Variants in ERC2 observed in about 807,000 individuals in gnomAD.
ERC2 encodes the protein ELKS/RAB6-interacting/CAST family member 2.
In ERC2, 42 loss-of-function variants were observed where a neutral mutation model predicts 114.8. That is an observed-to-expected ratio of 0.37 (90% confidence interval 0.29 to 0.47). ERC2 has a LOEUF of 0.47. Ranked by LOEUF, ERC2 falls within the 20% of genes least tolerant of loss-of-function variation. The pLI is 0.99. For synonymous variants in ERC2, 454 were observed against 425.5 expected (o/e 1.07, Z -0.82); for missense variants, 939 against 1,150.7 (o/e 0.82, Z 2.66).
chr3:55,835,157 G>A lies in ERC2; in HGVS notation c.2564+53232C>T, dbSNP rs940836471. Among the ~76,000 whole-genome samples, 3 of 152,144 alleles carry A rather than the reference G, an allele frequency of 2.0e-5. No individual in the cohort carries two copies. In the East Asian group the frequency reaches 5.8e-4, roughly 29 times the overall value. Reference sequence around the variant, plus strand: ...TCCAGGACCAGATGGATTCACAGCCGAATTCTACCAGAGGTACAAGGAGGA... The same window carrying A: ...TCCAGGACCAGATGGATTCACAGCCAAATTCTACCAGAGGTACAAGGAGGA... On this transcript the variant is annotated intron_variant, in intron 14 of 17. Coordinates refer to ENST00000288221, the MANE Select transcript of ERC2 (RefSeq NM_015576.3).
intron 14 of ERC2, among the ~76,000 whole-genome samples, chr3:55,856,345 T>C (rs559175076): frequency 2.0e-5 from 3 of 152,268 alleles, no homozygotes; most frequent in African/African-American, 7.2e-5. Context: ...CGATAAACTA[T>C]AGATCAGGAA....
At chr3:56,438,029 A>T (rs2062105694) in intron 1 of ERC2, among the ~76,000 whole-genome samples, 1 of 152,198 alleles carries the variant, frequency 6.6e-6, no homozygotes, top group East Asian at 1.9e-4. Flanking sequence ...TTTTATTTGC[A>T]TACTCTAAAT....
At chr3:56,250,304 A>G (rs1228382978) in intron 3 of ERC2, among the ~76,000 whole-genome samples, 3 of 152,256 alleles carry the variant, frequency 2.0e-5, no homozygotes, top group African/African-American at 7.2e-5. Context: ...AAGCAAAGAA[A>G]AATCTCCCAC....
intron 3 of ERC2, among the ~76,000 whole-genome samples, chr3:56,286,558 G>A (rs1023639235): frequency 8.6e-5 from 13 of 151,478 alleles, no homozygotes; most frequent in African/African-American, 2.7e-4. Flanking sequence ...CAAATGTCTT[G>A]ATTCAAAAAA....
At chr3:55,939,866 TGTCA>T (rs2066672296) in intron 13 of ERC2, among the ~76,000 whole-genome samples, 1 of 152,236 alleles carries the variant, frequency 6.6e-6, no homozygotes, top group Non-Finnish European at 1.5e-5. Context: ...GTGTCCAGAC[TGTCA>T]GAGTTCTAAT....
intron 2 of ERC2, among the ~76,000 whole-genome samples, chr3:56,431,208 T>C (rs56401494): frequency 0.019 from 2,907 of 152,268 alleles, 38 homozygotes; most frequent in Middle Eastern, 0.058. Flanking sequence ...ACAACAGCAA[T>C]AGCAGAAGAT....
At chr3:55,519,630 C>T (rs1431053954) in intron 17 of ERC2, among the ~76,000 whole-genome samples, 1 of 152,150 alleles carries the variant, frequency 6.6e-6, no homozygotes, top group Non-Finnish European at 1.5e-5. Context: ...CCCAAACTTC[C>T]TTATATTGAT....
At chr3:56,420,140 T>C (rs2061329962) in intron 2 of ERC2, among the ~76,000 whole-genome samples, 1 of 150,514 alleles carries the variant, frequency 6.6e-6, no homozygotes, top group African/African-American at 2.4e-5. Flanking sequence ...TAATATGTAC[T>C]CACGAGCCAA....
intron 3 of ERC2, among the ~76,000 whole-genome samples, chr3:56,250,988 G>C (rs560762132): frequency 6.6e-6 from 1 of 152,286 alleles, no homozygotes; most frequent in Non-Finnish European, 1.5e-5. Context: ...GAACATGAAG[G>C]AGACTTTAAG....
chr3:55,788,669 C>A (rs1378029007), intron 14 of ERC2, among the ~76,000 whole-genome samples: 1 of 152,162 alleles, frequency 6.6e-6, no homozygotes, highest in African/African-American at 2.4e-5. Context: ...CCCTACCTCT[C>A]CCCAAGGTCT....
At chr3:55,720,955 G>C (rs78969101) in intron 15 of ERC2, among the ~76,000 whole-genome samples, 3,055 of 152,300 alleles carry the variant, frequency 0.02, 72 homozygotes, top group African/African-American at 0.055. Flanking sequence ...CTGTGAGTTA[G>C]GTAGGAAACA....
intron 2 of ERC2, among the ~76,000 whole-genome samples, chr3:56,324,509 TG>T (rs1490134366): frequency 6.6e-6 from 1 of 152,172 alleles, no homozygotes; most frequent in Non-Finnish European, 1.5e-5. Context: ...AGTCGGGCAA[TG>T]CATACTTGCA....
chr3:56,272,000 C>A (rs2053686281), intron 3 of ERC2, among the ~76,000 whole-genome samples: 2 of 152,110 alleles, frequency 1.3e-5, no homozygotes, highest in African/African-American at 4.8e-5. Flanking sequence ...TACCATTGTC[C>A]ATCATCATTA....
chr3:56,428,721 T>C (rs2061674283), intron 2 of ERC2, among the ~76,000 whole-genome samples: 2 of 152,182 alleles, frequency 1.3e-5, no homozygotes, highest in South Asian at 4.1e-4. Flanking sequence ...CAAAAACTCA[T>C]ATTAATATTG....
intron 1 of ERC2, among the ~76,000 whole-genome samples, chr3:56,444,629 G>A (rs1559511514): frequency 6.6e-6 from 1 of 152,106 alleles, no homozygotes; most frequent in Non-Finnish European, 1.5e-5. Context: ...GAAAAAGCAG[G>A]GGAGAACCTT....
intron 14 of ERC2, among the ~76,000 whole-genome samples, chr3:55,805,990 G>A (rs2149111868): frequency 6.6e-6 from 1 of 152,262 alleles, no homozygotes; most frequent in East Asian, 1.9e-4. Flanking sequence ...TTACAAAAAT[G>A]ATAGAGCATA....
chr3:55,579,072 G>C (rs531373797), intron 17 of ERC2, among the ~76,000 whole-genome samples: 1 of 152,274 alleles, frequency 6.6e-6, no homozygotes, highest in East Asian at 1.9e-4. Context: ...AATTCAAGCA[G>C]AGGGAAAAGA....
chr3:55,643,037 T>C (rs1448572773), intron 17 of ERC2, among the ~76,000 whole-genome samples: 1 of 152,238 alleles, frequency 6.6e-6, no homozygotes, highest in Non-Finnish European at 1.5e-5. Flanking sequence ...TTGAGTATTT[T>C]AGAGGCAGTG....
chr3:55,994,306 T>C (rs113194945), intron 10 of ERC2, among the ~76,000 whole-genome samples: 207 of 152,258 alleles, frequency 1.4e-3, no homozygotes, highest in African/African-American at 4.8e-3. Flanking sequence ...CTGATGCTAA[T>C]TTTTAAAAGT....
Sources: gnomAD v4.1 joint callset for allele counts (sites outside exome capture counted in the v4.1 genomes callset) on GRCh38, gnomAD v4.1.1 for gene constraint, MANE v1.5 for transcripts, NCBI Gene and HGNC (gene_info 2026-07-23, HGNC 2026-07-21) for gene names.